The following PHTF2 variants were observed in gnomAD, a reference collection of about 807,000 sequenced individuals.
PHTF2 encodes the protein putative homeodomain transcription factor 2.
A neutral mutation model predicts 101.2 loss-of-function variants in PHTF2; 60 were observed. That is an observed-to-expected ratio of 0.59 (90% CI 0.48 to 0.73). The LOEUF is 0.73. Ranked by LOEUF, PHTF2 falls within the 30% of genes least tolerant of loss-of-function variation. The probability of loss-of-function intolerance (pLI) is 0.00; values close to 1 mark genes in which losing one functional copy is unlikely to be tolerated. For synonymous variants in PHTF2, 311 were observed against 307.3 expected (o/e 1.01, Z -0.13); for missense variants, 747 against 908.7 (o/e 0.82, Z 2.29).
At chr7:77,886,295 G>A (rs141210069) in intron 3 of PHTF2, among the ~76,000 whole-genome samples, 191 of 152,158 alleles carry the variant, frequency 1.3e-3, no homozygotes, top group Non-Finnish European at 1.4e-3. Context: ...TAAGTGATAC[G>A]TTTCTCATTT....
At chr7:77,910,711 G>A (rs896637772) in intron 9 of PHTF2, among the ~76,000 whole-genome samples, 5 of 151,826 alleles carry the variant, frequency 3.3e-5, no homozygotes, top group Admixed American at 3.3e-4. Flanking sequence ...GCACGATCTC[G>A]GCTCACTGCA....
intron 16 of PHTF2, among the ~76,000 whole-genome samples, chr7:77,945,119 C>A (rs1805940611): frequency 6.6e-6 from 1 of 152,196 alleles, no homozygotes; most frequent in Non-Finnish European, 1.5e-5. Flanking sequence ...GCAGTCAGAG[C>A]ACTTGAGGTC....
chr7:77,919,328 C>T (rs190997069), intron 9 of PHTF2, among the ~76,000 whole-genome samples: 5 of 152,204 alleles, frequency 3.3e-5, no homozygotes, highest in Admixed American at 3.3e-4. Flanking sequence ...TGGTTTTTGA[C>T]CTAACTGAAG....
intron 3 of PHTF2, among the ~76,000 whole-genome samples, chr7:77,860,454 T>G (rs1392680994): frequency 6.6e-6 from 1 of 152,196 alleles, no homozygotes; most frequent in East Asian, 1.9e-4. Flanking sequence ...GTTAGCTGGT[T>G]TTATTTTTAT....
At chr7:77,811,960 A>G (rs1793475577) in intron 1 of PHTF2, among the ~76,000 whole-genome samples, 1 of 152,252 alleles carries the variant, frequency 6.6e-6, no homozygotes, top group African/African-American at 2.4e-5. Flanking sequence ...CTAAAAATAA[A>G]AAAGTGAATA....
intron 7 of PHTF2, among the ~76,000 whole-genome samples, chr7:77,906,848 C>T (rs957773840): frequency 2.0e-5 from 3 of 149,750 alleles, no homozygotes; most frequent in African/African-American, 7.4e-5. Context: ...GCGGAGCTTG[C>T]AGTGAGCCGA....
Position 77,936,068 on chromosome 7 carries a change from C to T in PHTF2, c.1339-1642C>T, listed in dbSNP as rs1455434298. On this transcript the variant is annotated intron_variant, in intron 12 of 19. Coordinates refer to ENST00000416283, the Ensembl canonical transcript of PHTF2. Reference sequence around the variant, plus strand: ...GGACCTCAAGTAGTGAAATGTATACCATGAAAGTTAAAGTATATTAAAATC... The same window carrying T: ...GGACCTCAAGTAGTGAAATGTATACTATGAAAGTTAAAGTATATTAAAATC... Among the ~76,000 whole-genome samples, 8 of 152,084 alleles carry T rather than the reference C, an allele frequency of 5.3e-5. No individual in the cohort carries two copies. The South Asian group carries it at 6.2e-4, about 12-fold the overall frequency.
intron 2 of PHTF2, among the ~76,000 whole-genome samples, chr7:77,840,787 A>G (rs552466670): frequency 3.0e-4 from 46 of 152,178 alleles, no homozygotes; most frequent in Non-Finnish European, 6.0e-4. Context: ...TAGCTGTATC[A>G]TCTTATATAT....
intron 16 of PHTF2, among the ~76,000 whole-genome samples, chr7:77,947,707 ATAAG>A (rs1329091590): frequency 2.6e-5 from 4 of 152,158 alleles, no homozygotes; most frequent in Non-Finnish European, 5.9e-5. Flanking sequence ...ATTTAAAAAA[ATAAG>A]TAACTCATCA....
At chr7:77,927,154 T>G (rs1474283487) in intron 11 of PHTF2, among the ~76,000 whole-genome samples, 1 of 24,186 alleles carries the variant, frequency 4.1e-5, no homozygotes, top group Non-Finnish European at 8.1e-5. Flanking sequence ...TGAGACTCCA[T>G]CTCAAAAAAA....
intron 7 of PHTF2, among the ~76,000 whole-genome samples, chr7:77,903,971 A>G (rs1319287851): frequency 6.6e-6 from 1 of 152,120 alleles, no homozygotes; most frequent in African/African-American, 2.4e-5. Flanking sequence ...TATCTCAGCT[A>G]TGTATTCTCA....
At chr7:77,805,426 A>C (rs1792895808) in intron 1 of PHTF2, among the ~76,000 whole-genome samples, 1 of 151,880 alleles carries the variant, frequency 6.6e-6, no homozygotes, top group Admixed American at 6.6e-5. Flanking sequence ...CGTCTTTATT[A>C]TTTTTGTTTC....
At chr7:77,880,689 G>C (rs1465089985) in intron 3 of PHTF2, among the ~76,000 whole-genome samples, 1 of 152,116 alleles carries the variant, frequency 6.6e-6, no homozygotes, top group African/African-American at 2.4e-5. Flanking sequence ...TCTCTCCACT[G>C]TAGCTCTGGC....
intron 3 of PHTF2, among the ~76,000 whole-genome samples, chr7:77,863,484 C>G (rs1012980812): frequency 5.3e-5 from 8 of 152,134 alleles, no homozygotes; most frequent in Non-Finnish European, 1.0e-4. Flanking sequence ...GAGTAAATTA[C>G]TAGGTAGAAC....
intron 6 of PHTF2, 34 bp from the exon 6 acceptor site, chr7:77,901,722 TATATAA>T (rs776141696): frequency 1.4e-5 from 16 of 1,163,708 alleles, no homozygotes; most frequent in Non-Finnish European, 1.8e-5. Context: ...TAAAGAATAA[TATATAA>T]ATATACTCTG....
At chr7:77,848,451 G>T (rs1482380479) in intron 2 of PHTF2, among the ~76,000 whole-genome samples, 1 of 152,168 alleles carries the variant, frequency 6.6e-6, no homozygotes, top group African/African-American at 2.4e-5. Flanking sequence ...GCATTTCTCT[G>T]ATGATCCATG....
chr7:77,846,010 C>T (rs1796254019), intron 2 of PHTF2, among the ~76,000 whole-genome samples: 1 of 152,184 alleles, frequency 6.6e-6, no homozygotes, highest in Admixed American at 6.5e-5. Context: ...CTTCCCATCA[C>T]AGATGCCTTT....
intron 3 of PHTF2, among the ~76,000 whole-genome samples, chr7:77,887,598 G>T (rs879585367): frequency 2.6e-5 from 4 of 152,140 alleles, no homozygotes; most frequent in Non-Finnish European, 5.9e-5. Context: ...ACAGTAATTA[G>T]GAATTAAAGC....
At chr7:77,890,072 C>T (rs1036080887) in intron 3 of PHTF2, among the ~76,000 whole-genome samples, 1 of 147,074 alleles carries the variant, frequency 6.8e-6, no homozygotes, top group African/African-American at 2.5e-5. Flanking sequence ...AGTTGCCCTT[C>T]CTCTCACCTA....
Sources: allele counts gnomAD v4.1 joint callset (sites outside exome capture counted in the v4.1 genomes callset), GRCh38; gene constraint gnomAD v4.1.1; transcripts MANE v1.5; gene names NCBI Gene and HGNC (gene_info 2026-07-23, HGNC 2026-07-21).